HTR2C: variants seen among roughly 807,000 people sequenced by gnomAD.
HTR2C encodes the protein 5-hydroxytryptamine receptor 2C.
A neutral mutation model predicts 21.0 loss-of-function variants in HTR2C; 5 were observed. That is an observed-to-expected ratio of 0.24 (90% CI 0.12 to 0.50). The LOEUF (loss-of-function observed/expected upper bound fraction) is 0.50. Among genes scored for constraint, HTR2C ranks in the 20% least tolerant of loss-of-function variants. The pLI is 0.98. For missense variants in HTR2C, 271 were observed against 371.2 expected, an observed-to-expected ratio of 0.73 and a Z score of 2.22; for synonymous variants, 150 against 145.3, an observed-to-expected ratio of 1.03 and a Z score of -0.23.
chrX:114,628,355 C>G (rs782444940), intron 2 of HTR2C, among the ~76,000 whole-genome samples: 1 of 105,991 alleles, frequency 9.4e-6, no homozygotes, highest in South Asian at 4.3e-4. Context: ...TCTTGTGCCT[C>G]AGGCTCCCGA....
Position 114,726,370 on chromosome X carries a change from C to T in HTR2C, c.-79-488C>T, listed in dbSNP as rs1407308213. 6.2e-5 allele frequency among the ~76,000 whole-genome samples: 7 copies of T among 112,339 alleles called. No homozygotes were observed. The East Asian group carries it at 1.1e-3, about 18-fold the overall frequency. On this transcript the variant is annotated intron_variant, in intron 2 of 5. Coordinates refer to ENST00000276198, the MANE Select transcript of HTR2C (RefSeq NM_000868.4). ...AGTGAGGCAATGCCTCGCCCTGCTT[C>T]GGCTCGCGCACGGTGCGTGCACCCA...
chrX:114,866,643 C>CA (rs782735249), intron 5 of HTR2C, among the ~76,000 whole-genome samples: 31 of 109,942 alleles, frequency 2.8e-4, no homozygotes, highest in Admixed American at 9.8e-5. Flanking sequence ...TCTCTCCCCC[C>CA]ACAACCACCA....
intron 1 of HTR2C, among the ~76,000 whole-genome samples, chrX:114,599,922 G>GTAT (rs1928015665): frequency 9.0e-6 from 1 of 111,508 alleles, no homozygotes; most frequent in Non-Finnish European, 1.9e-5. Flanking sequence ...TTAAACTATA[G>GTAT]TATTACTGAA....
chrX:114,780,212 G>T (rs781970169), intron 4 of HTR2C, among the ~76,000 whole-genome samples: 1 of 110,796 alleles, frequency 9.0e-6, no homozygotes, highest in African/African-American at 3.3e-5. Flanking sequence ...GGTATCTACG[G>T]GTGTCCTGGA....
chrX:114,858,505 A>C (rs1236336645), intron 5 of HTR2C, among the ~76,000 whole-genome samples: 1 of 111,640 alleles, frequency 9.0e-6, no homozygotes, highest in East Asian at 2.8e-4. Flanking sequence ...CTAGCATATA[A>C]AAATAAAATA....
At chrX:114,815,301 C>A (rs1478436941) in intron 4 of HTR2C, among the ~76,000 whole-genome samples, 1 of 110,884 alleles carries the variant, frequency 9.0e-6, no homozygotes, top group Non-Finnish European at 1.9e-5. Context: ...AACAAATAGG[C>A]ACACCTTTCT....
intron 2 of HTR2C, among the ~76,000 whole-genome samples, chrX:114,647,988 A>G (rs1489975779): frequency 8.9e-6 from 1 of 112,613 alleles, no homozygotes; most frequent in Non-Finnish European, 1.9e-5. Flanking sequence ...AGAAAAGCAT[A>G]CAAATTTATT....
chrX:114,675,738 A>G (rs1321430658), intron 2 of HTR2C, among the ~76,000 whole-genome samples: 8 of 112,381 alleles, frequency 7.1e-5, no homozygotes, highest in Admixed American at 3.8e-4. Context: ...TGTGCCAGAA[A>G]GAAATAGCTG....
At chrX:114,726,237 G>T (rs1008816685) in intron 2 of HTR2C, among the ~76,000 whole-genome samples, 1 of 112,628 alleles carries the variant, frequency 8.9e-6, no homozygotes, top group African/African-American at 3.2e-5. Flanking sequence ...TTTTAAGCCT[G>T]TTGGAAAAGC....
At chrX:114,702,840 G>A (rs1266275105) in intron 2 of HTR2C, among the ~76,000 whole-genome samples, 2 of 106,621 alleles carry the variant, frequency 1.9e-5, no homozygotes, top group Admixed American at 2.1e-4. Flanking sequence ...GACACACATA[G>A]GCTCACAATA....
chrX:114,601,621 T>A (rs28428634), intron 1 of HTR2C, among the ~76,000 whole-genome samples: 5 of 109,657 alleles, frequency 4.6e-5, no homozygotes, highest in African/African-American at 1.7e-4. Context: ...GGTAGGGCAT[T>A]TTCACTTCTT....
intron 5 of HTR2C, among the ~76,000 whole-genome samples, chrX:114,866,201 A>G (rs186730366): frequency 5.8e-4 from 65 of 111,219 alleles, no homozygotes; most frequent in Non-Finnish European, 1.0e-3. Flanking sequence ...AAAGTTTTTA[A>G]TTGTCATGAA....
intron 4 of HTR2C, among the ~76,000 whole-genome samples, chrX:114,788,094 T>C (rs1439459565): frequency 3.6e-5 from 4 of 111,371 alleles, no homozygotes; most frequent in African/African-American, 9.8e-5. Context: ...GTTGTTTTTT[T>C]ACCCAATAGT....
intron 2 of HTR2C, among the ~76,000 whole-genome samples, chrX:114,659,501 C>A (rs1336484011): frequency 2.7e-5 from 3 of 111,191 alleles, no homozygotes; most frequent in African/African-American, 9.8e-5. Context: ...ATCAGACAAA[C>A]CCAAACTGAA....
At chrX:114,765,325 G>T (rs782497155) in intron 4 of HTR2C, among the ~76,000 whole-genome samples, 108 of 111,185 alleles carry the variant, frequency 9.7e-4, no homozygotes, top group African/African-American at 3.5e-3. Flanking sequence ...TGGTGGTGAA[G>T]GAAGCTATTA....
intron 4 of HTR2C, among the ~76,000 whole-genome samples, chrX:114,781,814 TA>T (rs782045730): frequency 2.3e-4 from 21 of 91,885 alleles, no homozygotes; most frequent in African/African-American, 4.0e-4. Context: ...CCCCGCCGTC[TA>T]AAAAAAAAAA....
intron 4 of HTR2C, among the ~76,000 whole-genome samples, chrX:114,826,937 G>GT (rs1177716183): frequency 9.1e-6 from 1 of 109,597 alleles, no homozygotes; most frequent in Non-Finnish European, 1.9e-5. Flanking sequence ...GATTTATTAT[G>GT]TTTTTTTCTT....
At position 114,649,747 on chromosome X, in the gene HTR2C, C is replaced by T. The variant is rs142729667; in HGVS notation, c.-80+35866C>T. ...TCTCCTGGCTCAGACTCCTGAGTAGCTGGGATTACAGGCACGCATCACCAC... is the reference window on the plus strand; with the variant it reads ...TCTCCTGGCTCAGACTCCTGAGTAGTTGGGATTACAGGCACGCATCACCAC... On this transcript the variant is annotated intron_variant, in intron 2 of 5. Coordinates refer to ENST00000276198, the MANE Select transcript of HTR2C (RefSeq NM_000868.4). Among the ~76,000 whole-genome samples, 35 of 110,636 alleles carry T rather than the reference C, an allele frequency of 3.2e-4. No homozygotes were observed. The East Asian group carries it at 0.01, about 32-fold the overall frequency.
At chrX:114,681,630 C>T (rs1031734813) in intron 2 of HTR2C, among the ~76,000 whole-genome samples, 1 of 111,357 alleles carries the variant, frequency 9.0e-6, no homozygotes, top group African/African-American at 3.3e-5. Flanking sequence ...AATGTTTTCT[C>T]TGGTTTGTCT....
Sources: allele counts gnomAD v4.1 joint callset (sites outside exome capture counted in the v4.1 genomes callset), GRCh38; gene constraint gnomAD v4.1.1; transcripts MANE v1.5; gene names NCBI Gene and HGNC (gene_info 2026-07-23, HGNC 2026-07-21).